The following ZNF121 variants were observed in gnomAD, a reference collection of about 807,000 sequenced individuals.
ZNF121 encodes zinc finger protein 121, also known as zinc finger protein 121 (clone ZHC32).
In ZNF121, 1 loss-of-function variant was observed where a neutral mutation model predicts 2.4. The observed-to-expected ratio is 0.41, with a 90% CI of 0.15 to 1.94. The LOEUF (loss-of-function observed/expected upper bound fraction) is 1.94. Among genes scored for constraint, ZNF121 ranks in the 30% most tolerant of loss-of-function variants. ZNF121 has a pLI of 0.30. For missense variants in ZNF121, 369 were observed against 466.3 expected, an observed-to-expected ratio of 0.79 and a Z score of 1.92; for synonymous variants, 173 against 158.6, an observed-to-expected ratio of 1.09 and a Z score of -0.68.
chr19:9,577,054 C>CA (rs1354218347), intron 1 of ZNF121, among the ~76,000 whole-genome samples: 10 of 151,872 alleles, frequency 6.6e-5, no homozygotes, highest in African/African-American at 9.7e-5. Flanking sequence ...TCGAATTCCT[C>CA]AAAAAAAATT....
In ZNF121 at chr19:9,565,727, A is replaced by G. The variant is rs1037235923; in HGVS notation, c.*213T>C. ...ATAAAATAAAATAAAATAATAAAAA[A>G]AGATTCCATTGGCTCCCTAACATTC... On this transcript the variant is annotated 3_prime_UTR_variant, in exon 4 of 4. Coordinates refer to ENST00000320451, the MANE Select transcript of ZNF121 (RefSeq NM_001008727.5). The G allele has an allele frequency of 3.3e-6, 1 of 305,398 alleles. No individual in the cohort carries two copies. Among genetic ancestry groups the G allele is most frequent in the Non-Finnish European group, 5.9e-6 (1 of 169,296 alleles). 18.9% of individuals were successfully genotyped at this position (305,398 alleles called of 1,614,324 possible).
rs558708466 is a variant in ZNF121 at position 9,564,879 on chromosome 19, C to G, written c.*1061G>C. ...GCTGTCTTATTTTAAGAAACTGCCA[C>G]AGCCACCCTGATCAACAGCCATCAA... On this transcript the variant is annotated 3_prime_UTR_variant, in exon 4 of 4. Transcript: ENST00000320451. 1 of 152,302 alleles carries G rather than the reference C, an allele frequency of 6.6e-6. No individual in the cohort carries two copies. The highest frequency in any genetic ancestry group is 6.5e-5 in the Admixed American group (1 of 15,282). The allele number at this position is 152,302 out of a possible 1,614,324, so 9.4% of individuals were successfully genotyped here.
At chr19:9,572,259 C>T (rs149681728) in intron 1 of ZNF121, among the ~76,000 whole-genome samples, 17 of 152,236 alleles carry the variant, frequency 1.1e-4, no homozygotes, top group Admixed American at 1.1e-3. Context: ...AGTGAAAAAA[C>T]TCCAAGGGAG....
At chr19:9,568,016 A>C (rs2144807539) in intron 3 of ZNF121, 79 bp downstream of exon 3, 7 of 1,428,424 alleles carry the variant, frequency 4.9e-6, no homozygotes, top group South Asian at 1.3e-5. Flanking sequence ...TCTCTCAAAT[A>C]TCTCTCATTT....
Position 9,584,481 on chromosome 19 carries a change from C to A in ZNF121, c.-180G>T, listed in dbSNP as rs1323727115. 1 of 152,276 alleles carries A rather than the reference C, an allele frequency of 6.6e-6. No individual in the cohort carries two copies. Among genetic ancestry groups the A allele is most frequent in the African/African-American group, 2.4e-5 (1 of 41,472 alleles). The allele number at this position is 152,276 out of a possible 1,614,324, so 9.4% of individuals were successfully genotyped here. A position where few individuals can be genotyped will look rare whatever the true frequency, so the allele number is the denominator to read the frequency against. ...CTCACCACAGCCAGGGTGGACTCCA[C>A]CACGATAAAGGCGAAATGGCACTGA... On this transcript the variant is annotated 5_prime_UTR_variant, in exon 1 of 4. Coordinates refer to ENST00000320451, the MANE Select transcript of ZNF121 (RefSeq NM_001008727.5).
intron 1 of ZNF121, among the ~76,000 whole-genome samples, chr19:9,569,383 G>C (rs1008994582): frequency 6.6e-6 from 1 of 151,958 alleles, no homozygotes; most frequent in Admixed American, 6.6e-5. Context: ...GGAGGTTGAG[G>C]CTGCAGTGAG....
At chr19:9,571,096 A>C in intron 1 of ZNF121, among the ~76,000 whole-genome samples, 1 of 152,106 alleles carries the variant, frequency 6.6e-6, no homozygotes, top group Non-Finnish European at 1.5e-5. Context: ...AACAAAGCCT[A>C]CTCTAAAGAG....
intron 1 of ZNF121, among the ~76,000 whole-genome samples, chr19:9,574,449 C>T (rs987607800): frequency 9.2e-5 from 14 of 152,210 alleles, no homozygotes; most frequent in East Asian, 1.9e-4. Flanking sequence ...CCACCGCGCC[C>T]GGCCCTAGCA....
chr19:9,567,764 C>T (rs2074143998), intron 3 of ZNF121: 2 of 262,272 alleles, frequency 7.6e-6, no homozygotes, highest in South Asian at 5.3e-5. Context: ...CAATCTAGAA[C>T]CCTCGCATGG....
intron 3 of ZNF121, chr19:9,567,580 C>T (rs1345494703): frequency 1.6e-5 from 4 of 248,524 alleles, no homozygotes; most frequent in African/African-American, 4.4e-5. Flanking sequence ...AACAACATTA[C>T]ATTTACTGTG....
At chr19:9,567,863 G>C (rs1056205410) in intron 3 of ZNF121, 16 of 416,582 alleles carry the variant, frequency 3.8e-5, no homozygotes, top group Non-Finnish European at 6.7e-5. Context: ...ACAAGCGATG[G>C]GGAATGGCTA....
At chr19:9,574,383 T>C (rs886359910) in intron 1 of ZNF121, among the ~76,000 whole-genome samples, 1 of 152,092 alleles carries the variant, frequency 6.6e-6, no homozygotes, top group Admixed American at 6.6e-5. Context: ...CTCAATCTCC[T>C]GATCCCGTGA....
chr19:9,574,017 TTC>T (rs1471718923), intron 1 of ZNF121, among the ~76,000 whole-genome samples: 1 of 145,054 alleles, frequency 6.9e-6, no homozygotes, highest in Middle Eastern at 3.4e-3. Flanking sequence ...TGGCTAATTT[TTC>T]TTTCTTTCTT....
chr19:9,579,003 C>T (rs567867735), intron 1 of ZNF121, among the ~76,000 whole-genome samples: 2 of 145,592 alleles, frequency 1.4e-5, no homozygotes, highest in South Asian at 4.3e-4. Flanking sequence ...AAAAAAAATC[C>T]GATCAAAAAA....
Position 9,565,713 on chromosome 19 carries a change from TAAAATAATA to T in ZNF121, c.*218_*226del. ...TAAAATAAAATAAAATAAAATAAAA[TAAAATAATA>T]AAAAAAGATTCCATTGGCTCCCTAA... On this transcript the variant is annotated 3_prime_UTR_variant, in exon 4 of 4. Transcript: ENST00000320451. The T allele has an allele frequency of 6.1e-6, 1 of 163,608 alleles. No homozygotes were observed. 10.1% of individuals were successfully genotyped at this position (163,608 alleles called of 1,614,324 possible). A position where few individuals can be genotyped will look rare whatever the true frequency, so the allele number is the denominator to read the frequency against.
chr19:9,569,332 G>A (rs1454973446), intron 1 of ZNF121, among the ~76,000 whole-genome samples: 3 of 151,934 alleles, frequency 2.0e-5, no homozygotes, highest in Non-Finnish European at 4.4e-5. Context: ...TGTAATCCCA[G>A]AACTTTGGGA....
At chr19:9,573,915 T>G (rs1053665107) in intron 1 of ZNF121, among the ~76,000 whole-genome samples, 2 of 152,042 alleles carry the variant, frequency 1.3e-5, no homozygotes, top group Non-Finnish European at 2.9e-5. Context: ...GGCACAATCA[T>G]GGCTCAATGC....
intron 1 of ZNF121, among the ~76,000 whole-genome samples, chr19:9,569,719 G>C (rs1008499567): frequency 6.6e-6 from 1 of 151,356 alleles, no homozygotes; most frequent in Admixed American, 6.6e-5. Context: ...TTTTTATAGA[G>C]ACAGGGTTTC....
At position 9,565,353 on chromosome 19, in the gene ZNF121, CAAAAAAAAAAAAA is replaced by C. The variant is rs71185609; in HGVS notation, c.*574_*586del. 7.4e-4 allele frequency: 22 copies of C among 29,860 alleles called. No homozygotes were observed. The highest frequency in any genetic ancestry group is 3.6e-3 in the Admixed American group (6 of 1,656). 1.8% of individuals were successfully genotyped at this position (29,860 alleles called of 1,614,324 possible). ...AAGAATGTGTATTAACAACGACTTA[CAAAAAAAAAAAAA>C]AAAAAAAAAAAAAAAAAAAAAGGCC... On this transcript the variant is annotated 3_prime_UTR_variant, in exon 4 of 4. Transcript: ENST00000320451.
Sources: gnomAD v4.1 joint callset for allele counts (sites outside exome capture counted in the v4.1 genomes callset) on GRCh38, gnomAD v4.1.1 for gene constraint, MANE v1.5 for transcripts, NCBI Gene and HGNC (gene_info 2026-07-23, HGNC 2026-07-21) for gene names.